ERC2: variants seen among roughly 807,000 people sequenced by gnomAD.
ERC2 encodes the protein ELKS/RAB6-interacting/CAST family member 2, also known as ERC protein 2.
In ERC2, 42 loss-of-function variants were observed where a neutral mutation model predicts 114.8. That is an observed-to-expected ratio of 0.37 (90% CI 0.29 to 0.47). ERC2 has a LOEUF of 0.47. Ranked by LOEUF, ERC2 falls within the 20% of genes least tolerant of loss-of-function variation. The pLI is 0.99. For missense variants in ERC2, 939 were observed against 1,150.7 expected (o/e 0.82, Z 2.66); for synonymous variants, 454 against 425.5 (o/e 1.07, Z -0.82).
intron 2 of ERC2, among the ~76,000 whole-genome samples, chr3:56,350,913 T>C (rs59002596): frequency 0.047 from 7,201 of 152,210 alleles, 282 homozygotes; most frequent in African/African-American, 0.098. Flanking sequence ...TCAGCAACCC[T>C]ATGAAGCAGG....
chr3:56,256,137 G>A (rs1013387222), intron 3 of ERC2, among the ~76,000 whole-genome samples: 1 of 152,206 alleles, frequency 6.6e-6, no homozygotes, highest in African/African-American at 2.4e-5. Context: ...CTGTCTGAAA[G>A]CTTTAAAGTG....
intron 13 of ERC2, among the ~76,000 whole-genome samples, chr3:55,943,752 C>T (rs554546307): frequency 4.6e-5 from 7 of 152,228 alleles, no homozygotes; most frequent in South Asian, 4.2e-4. Flanking sequence ...ATTGACTAAA[C>T]GAATCATCAG....
intron 1 of ERC2, among the ~76,000 whole-genome samples, chr3:56,459,161 A>T (rs182138055): frequency 5.3e-5 from 8 of 152,280 alleles, no homozygotes; most frequent in African/African-American, 1.7e-4. Context: ...GACCACACCT[A>T]TCTTATTATA....
intron 3 of ERC2, among the ~76,000 whole-genome samples, chr3:56,215,332 A>G (rs1236627387): frequency 6.6e-6 from 1 of 152,142 alleles, no homozygotes; most frequent in African/African-American, 2.4e-5. Context: ...AAAAAGGCAG[A>G]TGTTGCAATC....
At chr3:56,215,864 G>A (rs2049432654) in intron 3 of ERC2, among the ~76,000 whole-genome samples, 1 of 152,130 alleles carries the variant, frequency 6.6e-6, no homozygotes, top group Non-Finnish European at 1.5e-5. Flanking sequence ...CAACTACATG[G>A]AAACTGAACA....
At chr3:56,010,402 G>A (rs1310609982) in intron 9 of ERC2, 47 bp downstream of exon 9, 1 of 1,594,670 alleles carries the variant, frequency 6.3e-7, no homozygotes, top group Non-Finnish European at 8.5e-7. Flanking sequence ...ATTGAATATG[G>A]GTTTATGAGG....
At chr3:56,048,914 A>T (rs905162585) in intron 7 of ERC2, among the ~76,000 whole-genome samples, 1 of 152,182 alleles carries the variant, frequency 6.6e-6, no homozygotes, top group African/African-American at 2.4e-5. Context: ...TTTGCAGCTG[A>T]GTTACGTGAG....
At chr3:56,308,807 A>G (rs2056378653) in intron 2 of ERC2, among the ~76,000 whole-genome samples, 1 of 151,900 alleles carries the variant, frequency 6.6e-6, no homozygotes, top group Admixed American at 6.6e-5. Flanking sequence ...TTTTTTTTTA[A>G]TAAATCCATA....
At chr3:56,277,827 A>C (rs2123181) in intron 3 of ERC2, among the ~76,000 whole-genome samples, 34,262 of 151,944 alleles carry the variant, frequency 0.23, 4,563 homozygotes, top group Non-Finnish European at 0.29. Context: ...CAGAGAGAAT[A>C]AGGGTTGGGA....
intron 14 of ERC2, among the ~76,000 whole-genome samples, chr3:55,830,202 TAAAG>T (rs1474465004): frequency 1.3e-5 from 2 of 152,236 alleles, no homozygotes; most frequent in Admixed American, 6.5e-5. Flanking sequence ...AATCCTGACA[TAAAG>T]AAACTGTCAA....
rs1437483478 is a variant in ERC2, at chr3:55,632,325, T to A, written c.*39+51469A>T. Among the ~76,000 whole-genome samples, 7 of 152,194 alleles carry A rather than the reference T, an allele frequency of 4.6e-5. No individual in the cohort carries two copies. The East Asian group carries it at 1.3e-3, about 29-fold the overall frequency. ...TCTTGGTCCAGTTGTACCTGAGAAC[T>A]AACTGATTGGAGAAGAGAAGCAAGG... On this transcript the variant is annotated intron_variant, in intron 17 of 17. Coordinates refer to ENST00000288221, the MANE Select transcript of ERC2 (RefSeq NM_015576.3).
chr3:56,034,905 C>T (rs2074694793), intron 7 of ERC2, among the ~76,000 whole-genome samples: 1 of 151,760 alleles, frequency 6.6e-6, no homozygotes, highest in Admixed American at 6.6e-5. Context: ...TAACCTCATA[C>T]CTCAAGTAAC....
At chr3:55,645,285 C>T (rs1033629440) in intron 17 of ERC2, among the ~76,000 whole-genome samples, 1 of 152,148 alleles carries the variant, frequency 6.6e-6, no homozygotes, top group African/African-American at 2.4e-5. Context: ...TGTGAGGGCA[C>T]CACGTGACCT....
chr3:56,064,884 T>C (rs1519027), intron 7 of ERC2, among the ~76,000 whole-genome samples: 149,841 of 152,326 alleles, frequency 0.98, 73,704 homozygotes, highest in East Asian at 1. Context: ...TATTTACTCA[T>C]TCTGAATCCA....
At chr3:56,246,767 G>A (rs2051739647) in intron 3 of ERC2, among the ~76,000 whole-genome samples, 1 of 152,162 alleles carries the variant, frequency 6.6e-6, no homozygotes, top group African/African-American at 2.4e-5. Context: ...CTTTCTCTTT[G>A]TCTTCCCTAC....
At chr3:56,224,731 T>C (rs1196839286) in intron 3 of ERC2, among the ~76,000 whole-genome samples, 1 of 152,214 alleles carries the variant, frequency 6.6e-6, no homozygotes, top group African/African-American at 2.4e-5. Context: ...ATGCATGTAT[T>C]CTACATACAG....
At chr3:55,916,638 T>C (rs1220202447) in intron 13 of ERC2, among the ~76,000 whole-genome samples, 2 of 152,180 alleles carry the variant, frequency 1.3e-5, no homozygotes, top group African/African-American at 4.8e-5. Flanking sequence ...TTGCTGTTCC[T>C]ACCACCCAGA....
At chr3:55,740,282 C>G (rs1309940565) in intron 14 of ERC2, among the ~76,000 whole-genome samples, 1 of 152,062 alleles carries the variant, frequency 6.6e-6, no homozygotes, top group Non-Finnish European at 1.5e-5. Flanking sequence ...CACTCACCAA[C>G]CTTAAATTAA....
chr3:56,096,902 A>C (rs1267381166), intron 6 of ERC2, among the ~76,000 whole-genome samples: 2 of 152,222 alleles, frequency 1.3e-5, no homozygotes, highest in Non-Finnish European at 2.9e-5. Context: ...TCTTCAAAAG[A>C]ATGAAAACAT....
Sources: allele counts gnomAD v4.1 joint callset (sites outside exome capture counted in the v4.1 genomes callset), GRCh38; gene constraint gnomAD v4.1.1; transcripts MANE v1.5; gene names NCBI Gene and HGNC (gene_info 2026-07-23, HGNC 2026-07-21).